NUP88: variants seen among roughly 807,000 people sequenced by gnomAD.
The protein encoded by NUP88 is nucleoporin 88.
Under a neutral mutation model 93.9 loss-of-function variants are expected in NUP88, and 57 were observed. That is an observed-to-expected ratio of 0.61 (90% CI 0.49 to 0.76). The LOEUF is 0.76. NUP88 is among the 30% of genes least tolerant of loss of function. The pLI is 0.00. For missense variants in NUP88, 911 were observed against 901.0 expected (o/e 1.01, Z -0.14); for synonymous variants, 346 against 336.8 (o/e 1.03, Z -0.30).
At chr17:5,386,881 G>A in intron 15 of NUP88, 55 bp from the exon 16 acceptor site, 2 of 1,579,552 alleles carry the variant, frequency 1.3e-6, no homozygotes, top group Non-Finnish European at 1.7e-6. Context: ...CATTTTCACA[G>A]TATCTATTTG....
At chr17:5,389,491 T>C (rs1383071529) in intron 10 of NUP88, among the ~76,000 whole-genome samples, 1 of 152,084 alleles carries the variant, frequency 6.6e-6, no homozygotes. Context: ...CTAACGTGAA[T>C]GTTTGGTTGG....
At chr17:5,390,271 G>A (rs1184131932) in intron 10 of NUP88, among the ~76,000 whole-genome samples, 2 of 151,768 alleles carry the variant, frequency 1.3e-5, no homozygotes, top group African/African-American at 4.8e-5. Context: ...TTTACTAAAT[G>A]TACTGTGGGT....
chr17:5,387,325 T>C, intron 14 of NUP88, 61 bp downstream of exon 14: 1 of 1,458,700 alleles, frequency 6.9e-7, no homozygotes. Flanking sequence ...CCAATGCCCA[T>C]TTTCTTAAAT....
At position 5,419,496 on chromosome 17, in the gene NUP88, G is replaced by T; in HGVS notation, c.155C>A (p.Pro52Gln). The change falls in exon 1 of 17, where the codon CCG becomes CAG. Residue 52 changes from proline to glutamine, a missense_variant. Coordinates refer to ENST00000573584, the MANE Select transcript of NUP88 (RefSeq NM_002532.6). ...CACGTTTCTCGTCAGCAACTGCGGCGGCGGCGACGAAGGCAACGACGAAGA... is the reference window on the plus strand; with the variant it reads ...CACGTTTCTCGTCAGCAACTGCGGCTGCGGCGACGAAGGCAACGACGAAGA... The part of the protein sequence containing the change: ...PASSSLPSSP[P>Q]PQLLTRNVVF... 1.2e-6 allele frequency: 2 copies of T among 1,614,040 alleles called. No individual in the cohort carries two copies. Among genetic ancestry groups the T allele is most frequent in the East Asian group, 4.5e-5 (2 of 44,874 alleles).
intron 5 of NUP88, among the ~76,000 whole-genome samples, chr17:5,407,143 C>A (rs1227201176): frequency 6.6e-6 from 1 of 152,170 alleles, no homozygotes; most frequent in African/African-American, 2.4e-5. Context: ...ACAGTGAATC[C>A]TCACCATTCT....
rs745892094 is a variant in NUP88, at chr17:5,388,968, A to G, written c.1485-8T>C. 2.5e-6 allele frequency: 4 copies of G among 1,591,622 alleles called. No homozygotes were observed. Among genetic ancestry groups the G allele is most frequent in the South Asian group, 1.1e-5 (1 of 88,204 alleles). On this transcript the variant is annotated splice_polypyrimidine_tract_variant and splice_region_variant and intron_variant, in intron 10 of 16. Transcript: ENST00000573584. ...GCTGGATGGACTGTACTTCTGCAAA[A>G]TAAGTAAGTAAATTGAATTCTACCA...
intron 7 of NUP88, among the ~76,000 whole-genome samples, chr17:5,401,131 C>T (rs1913135794): frequency 6.6e-6 from 1 of 152,068 alleles, no homozygotes; most frequent in Admixed American, 6.6e-5. Context: ...CGCCTGTAAT[C>T]CCAGCCCTTT....
intron 8 of NUP88, among the ~76,000 whole-genome samples, chr17:5,395,594 T>C (rs1316138962): frequency 6.6e-6 from 1 of 151,452 alleles, no homozygotes; most frequent in Non-Finnish European, 1.5e-5. Context: ...AGTGGCCCAA[T>C]CTCTGCTCAA....
intron 7 of NUP88, 29 bp from the exon 8 acceptor site, chr17:5,399,679 G>C: frequency 8.1e-7 from 1 of 1,239,350 alleles, no homozygotes; most frequent in South Asian, 1.3e-5. Context: ...ATGATACAAA[G>C]GTAGCCAGTG....
At chr17:5,386,888 T>C (rs919229132) in intron 15 of NUP88, 62 bp from the exon 16 acceptor site, 84 of 1,582,570 alleles carry the variant, frequency 5.3e-5, no homozygotes, top group African/African-American at 3.8e-4. Flanking sequence ...ACAGTATCTA[T>C]TTGAATCTGT....
At chr17:5,404,850 T>G (rs1597325397) in intron 6 of NUP88, among the ~76,000 whole-genome samples, 1 of 152,350 alleles carries the variant, frequency 6.6e-6, no homozygotes, top group East Asian at 1.9e-4. Context: ...TGCAGACTGG[T>G]GGACCAAGTA....
At chr17:5,415,959 A>G (rs934137933) in intron 2 of NUP88, among the ~76,000 whole-genome samples, 1 of 151,798 alleles carries the variant, frequency 6.6e-6, no homozygotes, top group Non-Finnish European at 1.5e-5. Flanking sequence ...AGCTTGGTCA[A>G]CATGGTGAAA....
At chr17:5,395,034 T>C in intron 8 of NUP88, 53 bp from the exon 9 acceptor site, 1 of 1,094,178 alleles carries the variant, frequency 9.1e-7, no homozygotes, top group Non-Finnish European at 1.4e-6. Context: ...AGTCTCCAAA[T>C]TAAAATGCTA....
intron 1 of NUP88, among the ~76,000 whole-genome samples, chr17:5,418,595 T>C (rs1211100852): frequency 6.6e-6 from 1 of 152,156 alleles, no homozygotes; most frequent in African/African-American, 2.4e-5. Context: ...AAGTAGACTG[T>C]AGACTCCTGC....
intron 7 of NUP88, among the ~76,000 whole-genome samples, chr17:5,401,961 A>G (rs1487710770): frequency 1.3e-5 from 2 of 152,218 alleles, no homozygotes; most frequent in African/African-American, 4.8e-5. Context: ...CTTGTTCAGC[A>G]CAATTAGGAA....
intron 7 of NUP88, among the ~76,000 whole-genome samples, chr17:5,403,229 G>A (rs1242475435): frequency 1.3e-5 from 2 of 152,056 alleles, no homozygotes; most frequent in African/African-American, 4.8e-5. Flanking sequence ...TGGAATCCCA[G>A]CACTTTGTGA....
At chr17:5,406,869 C>G (rs916318368) in intron 5 of NUP88, among the ~76,000 whole-genome samples, 3 of 152,168 alleles carry the variant, frequency 2.0e-5, no homozygotes, top group Non-Finnish European at 4.4e-5. Flanking sequence ...GGGCTGCGCG[C>G]AGCCCGTGGG....
chr17:5,416,403 A>G, intron 2 of NUP88, 110 bp downstream of exon 2: 1 of 670,360 alleles, frequency 1.5e-6, no homozygotes, highest in Non-Finnish European at 2.4e-6. Context: ...GACCACGAGG[A>G]GTGTTTTAAT....
intron 5 of NUP88, among the ~76,000 whole-genome samples, chr17:5,406,345 T>C (rs931682299): frequency 1.3e-5 from 2 of 152,172 alleles, no homozygotes; most frequent in East Asian, 3.9e-4. Context: ...ACTTATTTAG[T>C]ATGATGGGAG....
Sources: allele counts gnomAD v4.1 joint callset (sites outside exome capture counted in the v4.1 genomes callset), GRCh38; gene constraint gnomAD v4.1.1; transcripts MANE v1.5; gene names NCBI Gene and HGNC (gene_info 2026-07-23, HGNC 2026-07-21).